Variants in ADCY9 observed in about 807,000 individuals in gnomAD.
The protein encoded by ADCY9 is adenylate cyclase type 9.
In ADCY9, 50 loss-of-function variants were observed where a neutral mutation model predicts 101.5. That is an observed-to-expected ratio of 0.49 (90% CI 0.39 to 0.62). The LOEUF (loss-of-function observed/expected upper bound fraction) is 0.62. Among genes scored for constraint, ADCY9 ranks in the 20% least tolerant of loss-of-function variants. The probability of loss-of-function intolerance (pLI) is 0.00; values close to 1 mark genes in which losing one functional copy is unlikely to be tolerated. For synonymous variants in ADCY9, 905 were observed against 769.3 expected, an observed-to-expected ratio of 1.18 and a Z score of -2.92; for missense variants, 1,662 against 1,800.4, an observed-to-expected ratio of 0.92 and a Z score of 1.39.
At chr16:3,959,089 G>A (rs549709226), downstream of ADCY9, among the ~76,000 whole-genome samples, 21 of 152,192 alleles carry the variant, frequency 1.4e-4, no homozygotes, top group Admixed American at 1.2e-3. Flanking sequence ...GGCCAGGCAC[G>A]GTGGCTCACA....
At position 3,963,143 on chromosome 16, in the gene ADCY9, T is replaced by TATATATATACAC. The variant is rs1555504954; in HGVS notation, c.*2631_*2632insGTGTATATATAT. On this transcript the variant is annotated 3_prime_UTR_variant, in exon 11 of 11. Transcript: ENST00000294016. ...ATATATATATATATATATATATATA[T>TATATATATACAC]GGATATATAATTCGATCTGAGCTGG... 6.4e-6 allele frequency: 1 copy of TATATATATACAC among 157,108 alleles called. No individual in the cohort carries two copies. Among genetic ancestry groups the TATATATATACAC allele is most frequent in the Non-Finnish European group, 1.2e-5 (1 of 85,168 alleles). The allele number at this position is 157,108 out of a possible 1,614,324, so 9.7% of individuals were successfully genotyped here.
chr16:3,993,866 G>T (rs966095140), intron 3 of ADCY9, among the ~76,000 whole-genome samples: 3 of 152,138 alleles, frequency 2.0e-5, no homozygotes, highest in African/African-American at 4.8e-5. Flanking sequence ...CATTATGCTC[G>T]GGGAGGGAAG....
intron 2 of ADCY9, among the ~76,000 whole-genome samples, chr16:4,049,558 G>A (rs937669326): frequency 2.0e-5 from 3 of 152,092 alleles, no homozygotes; most frequent in Non-Finnish European, 2.9e-5. Flanking sequence ...CTTCTGAGCC[G>A]AAACCACGTG....
At chr16:4,000,274 G>A (rs1043063735) in intron 3 of ADCY9, among the ~76,000 whole-genome samples, 4 of 152,202 alleles carry the variant, frequency 2.6e-5, no homozygotes, top group African/African-American at 9.7e-5. Flanking sequence ...TGAGGACACT[G>A]AGACAGAGCA....
intron 2 of ADCY9, among the ~76,000 whole-genome samples, chr16:4,021,928 A>G (rs4785950): frequency 0.86 from 130,258 of 152,130 alleles, 56,372 homozygotes; most frequent in Non-Finnish European, 0.93. Flanking sequence ...ATCAGACCCC[A>G]TGGCTCCTTA....
chr16:4,051,123 G>C (rs1235105034), intron 2 of ADCY9, among the ~76,000 whole-genome samples: 1 of 152,002 alleles, frequency 6.6e-6, no homozygotes, highest in East Asian at 1.9e-4. Context: ...TGAGGCAGGA[G>C]AATTGCATGG....
chr16:4,099,338 T>C (rs1213714923), intron 2 of ADCY9, among the ~76,000 whole-genome samples: 1 of 152,210 alleles, frequency 6.6e-6, no homozygotes, highest in Non-Finnish European at 1.5e-5. Context: ...CTCTCAATTG[T>C]AGGAATGCAA....
chr16:4,094,530 G>A (rs1174203096), intron 2 of ADCY9, among the ~76,000 whole-genome samples: 1 of 152,098 alleles, frequency 6.6e-6, no homozygotes, highest in East Asian at 1.9e-4. Flanking sequence ...AGAAAAGGAG[G>A]CCAGGCGCTG....
chr16:3,983,066 G>A, intron 7 of ADCY9, 166 bp downstream of exon 7: 1 of 683,824 alleles, frequency 1.5e-6, no homozygotes. Flanking sequence ...CAGGGAGGGA[G>A]GATGCTGGGG....
chr16:3,967,272 G>A (rs769870543), intron 10 of ADCY9, among the ~76,000 whole-genome samples: 5 of 152,156 alleles, frequency 3.3e-5, no homozygotes, highest in Non-Finnish European at 7.3e-5. Context: ...TTACAGGCGT[G>A]AGCTGCTGTG....
intron 2 of ADCY9, among the ~76,000 whole-genome samples, chr16:4,045,463 C>T (rs540266991): frequency 1.3e-5 from 2 of 151,590 alleles, no homozygotes; most frequent in African/African-American, 4.8e-5. Flanking sequence ...GGTGTGGTGG[C>T]GTGTACCTGT....
intron 3 of ADCY9, among the ~76,000 whole-genome samples, chr16:4,005,097 C>T (rs986399513): frequency 3.3e-5 from 5 of 151,944 alleles, no homozygotes; most frequent in Admixed American, 1.3e-4. Flanking sequence ...CTGTATATAC[C>T]GCGTCCTCCT....
chr16:4,047,965 G>T (rs2056677076), intron 2 of ADCY9, among the ~76,000 whole-genome samples: 1 of 152,204 alleles, frequency 6.6e-6, no homozygotes, highest in Non-Finnish European at 1.5e-5. Flanking sequence ...AGCCCTGGAG[G>T]TTCTGGCTGA....
chr16:4,081,856 G>A (rs1225658213), intron 2 of ADCY9, among the ~76,000 whole-genome samples: 1 of 151,264 alleles, frequency 6.6e-6, no homozygotes, highest in Non-Finnish European at 1.5e-5. Flanking sequence ...AGTGGCGTGT[G>A]GGTAAGAGCA....
At chr16:4,007,275 C>T in intron 3 of ADCY9, 93 bp downstream of exon 3, 2 of 1,172,422 alleles carry the variant, frequency 1.7e-6, no homozygotes, top group South Asian at 2.0e-5. Flanking sequence ...AGTTGTTTGC[C>T]TCAGACCTGG....
At chr16:4,097,553 A>ATATATATATATATTTTT (rs1382458827) in intron 2 of ADCY9, among the ~76,000 whole-genome samples, 1 of 53,402 alleles carries the variant, frequency 1.9e-5, no homozygotes, top group African/African-American at 8.6e-5. Flanking sequence ...ATATATATAT[A>ATATATATATATATTTTT]TTTTTTTTTT....
At chr16:4,039,616 T>C (rs1368137553) in intron 2 of ADCY9, among the ~76,000 whole-genome samples, 2 of 148,186 alleles carry the variant, frequency 1.3e-5, no homozygotes, top group Admixed American at 6.8e-5. Flanking sequence ...GAGGCAGAGG[T>C]TGCAGTGAGC....
intron 2 of ADCY9, among the ~76,000 whole-genome samples, chr16:4,075,373 T>C (rs981626386): frequency 6.6e-6 from 1 of 152,144 alleles, no homozygotes; most frequent in South Asian, 2.1e-4. Flanking sequence ...TCCTGACCTC[T>C]GGTGATCTGT....
chr16:4,072,240 G>T (rs528119891), intron 2 of ADCY9, among the ~76,000 whole-genome samples: 2 of 152,300 alleles, frequency 1.3e-5, no homozygotes, highest in African/African-American at 4.8e-5. Flanking sequence ...GATTACAAGA[G>T]CTGGATTACA....
Sources: gnomAD v4.1 joint callset for allele counts (sites outside exome capture counted in the v4.1 genomes callset) on GRCh38, gnomAD v4.1.1 for gene constraint, MANE v1.5 for transcripts, NCBI Gene and HGNC (gene_info 2026-07-23, HGNC 2026-07-21) for gene names.